Variants in ABI3 observed in about 807,000 individuals in gnomAD.
The protein encoded by ABI3 is ABI family member 3, also known as ABI gene family member 3.
Under a neutral mutation model 37.0 loss-of-function variants are expected in ABI3, and 24 were observed. That is an observed-to-expected ratio of 0.65 (90% confidence interval 0.47 to 0.91). The LOEUF (loss-of-function observed/expected upper bound fraction) is 0.91. Ranked by LOEUF, ABI3 falls within the 40% of genes least tolerant of loss-of-function variation. ABI3 has a pLI of 0.00. For synonymous variants in ABI3, 220 were observed against 211.8 expected (o/e 1.04, Z -0.34); for missense variants, 481 against 485.1 (o/e 0.99, Z 0.08).
intron 6 of ABI3, among the ~76,000 whole-genome samples, chr17:49,220,617 C>T (rs758679936): frequency 3.4e-4 from 52 of 151,808 alleles, no homozygotes; most frequent in Non-Finnish European, 5.9e-4. Flanking sequence ...GGCCGAGGCG[C>T]GCGGATCACC....
chr17:49,222,699 T>G lies in ABI3; in HGVS notation c.1085T>G (p.Val362Gly), dbSNP rs2043306552. The G allele has an allele frequency of 6.3e-7, 1 of 1,577,304 alleles. No homozygotes were observed. Among genetic ancestry groups the G allele is most frequent in the Non-Finnish European group, 8.6e-7 (1 of 1,161,708 alleles). The change falls in exon 8 of 8, where the codon GTG becomes GGG. Residue 362 changes from valine (V) to glycine (G), a missense_variant. Physicochemically the swap from Val to Gly is moderately radical, Grantham distance 109. Coordinates refer to ENST00000225941, the MANE Select transcript of ABI3 (RefSeq NM_016428.3). ...EGTGFFPGNY[V>G]EPSC is the part of the protein sequence containing the mutation. ...ACTGGATTCTTCCCTGGGAACTATG[T>G]GGAGCCCAGCTGCTGACAGCCCAGG... is the stretch of plus-strand genomic sequence containing the variant.
intron 1 of ABI3, among the ~76,000 whole-genome samples, chr17:49,212,968 G>A (rs908538819): frequency 3.9e-5 from 6 of 152,182 alleles, no homozygotes; most frequent in Non-Finnish European, 5.9e-5. Context: ...CTTCCACAGG[G>A]CTCTCATTTG....
intron 7 of ABI3, 49 bp downstream of exon 7, chr17:49,222,274 G>T (rs1482671862): frequency 1.3e-6 from 2 of 1,582,488 alleles, no homozygotes; most frequent in African/African-American, 2.7e-5. Context: ...TTCCTCTGTT[G>T]CCCTGATCCC....
chr17:49,216,593 C>T lies in ABI3; in HGVS notation c.180C>T (p.Ser60=), dbSNP rs769567993. 18 of 1,610,740 alleles carry T rather than the reference C, an allele frequency of 1.1e-5. No homozygotes were observed. Among genetic ancestry groups the T allele is most frequent in the South Asian group, 4.4e-5 (4 of 90,346 alleles). ...CCTTCACTACCCAGGCACTGGCCAG[C>T]GTGGCCTACCAGGTGGGCAACCTGG... is the stretch of plus-strand genomic sequence containing the variant. ...TMAFTTQALA[S]VAYQVGNLAG... Residue 60 remains serine, a synonymous_variant, in exon 2 of 8, where the codon AGC becomes AGT. Transcript: ENST00000225941.
chr17:49,214,974 T>C (rs1001468883), intron 1 of ABI3, among the ~76,000 whole-genome samples: 1 of 152,164 alleles, frequency 6.6e-6, no homozygotes, highest in African/African-American at 2.4e-5. Context: ...GACACTTCCG[T>C]TTAAGGCAAG....
rs1055813742 is a variant in ABI3 at position 49,216,650 on chromosome 17, G to C, written c.237G>C (p.Gln79His). 1 of 1,609,758 alleles carries C rather than the reference G, an allele frequency of 6.2e-7. No individual in the cohort carries two copies. The highest frequency in any genetic ancestry group is 8.5e-7 in the Non-Finnish European group (1 of 1,178,322). The change falls in exon 2 of 8, where the codon CAG (glutamine) becomes CAC (histidine). Residue 79 changes from glutamine (Q) to histidine (H), a missense_variant. Transcript: ENST00000225941. ...AGHTLRMLDL[Q>H]GAALRQVEAR... ...ACACTCTGCGCATGTTGGACCTGCA[G>C]GGGGCCGCCCTGCGGCAGGTGGAAG...
intron 7 of ABI3, 79 bp from the exon 8 acceptor site, chr17:49,222,473 G>A (rs943545575): frequency 6.5e-7 from 1 of 1,529,314 alleles, no homozygotes; most frequent in Non-Finnish European, 8.9e-7. Context: ...TTGAGACCGT[G>A]CATCCCCATG....
At position 49,219,734 on chromosome 17, in the gene ABI3, G is replaced by A. The variant is rs373238389; in HGVS notation, c.548+109G>A. ...CCTGGCGCCCCCGGGTGCTCAGGCC[G>A]TCATGCTGGATGCCTGGCGCCAAAC... On this transcript the variant is annotated intron_variant, in intron 4 of 7. Transcript: ENST00000225941. The surrounding 1 kb of genome is among the most constrained non-coding windows in gnomAD (Gnocchi z 4.3). The A allele has an allele frequency of 3.2e-5, 45 of 1,410,332 alleles. No individual in the cohort carries two copies. In the African/African-American group the frequency reaches 5.3e-4, roughly 17 times the overall value. 87.4% of individuals were successfully genotyped at this position (1,410,332 alleles called of 1,614,324 possible).
intron 6 of ABI3, among the ~76,000 whole-genome samples, chr17:49,220,737 G>C (rs1185144932): frequency 1.6e-4 from 24 of 151,360 alleles, no homozygotes; most frequent in Admixed American, 1.2e-3. Context: ...CCAGCTACTC[G>C]GGAGGCTGAG....
intron 1 of ABI3, among the ~76,000 whole-genome samples, chr17:49,211,525 C>T (rs1050674457): frequency 6.6e-6 from 1 of 152,180 alleles, no homozygotes; most frequent in African/African-American, 2.4e-5. Context: ...GAAATCACTT[C>T]TGTTATTTCA....
At chr17:49,212,748 C>G (rs1013694463) in intron 1 of ABI3, among the ~76,000 whole-genome samples, 30 of 152,266 alleles carry the variant, frequency 2.0e-4, no homozygotes, top group African/African-American at 7.2e-4. Context: ...AAATCTGATT[C>G]CAGAGCCCAC....
At position 49,222,696 on chromosome 17, in the gene ABI3, A is replaced by C. The variant is rs2043306440; in HGVS notation, c.1082A>C (p.Tyr361Ser). Residue 361 changes from tyrosine to serine, a missense_variant, in exon 8 of 8, where the codon TAT (tyrosine) becomes TCT (serine). By Grantham distance (144) the Tyr-to-Ser change is moderately radical (BLOSUM62 -2). Transcript: ENST00000225941. ...SEGTGFFPGN[Y>S]VEPSC ...GGGACTGGATTCTTCCCTGGGAACT[A>C]TGTGGAGCCCAGCTGCTGACAGCCC... is the stretch of plus-strand genomic sequence containing the variant. 6.3e-7 allele frequency: 1 copy of C among 1,581,224 alleles called. No individual in the cohort carries two copies. The highest frequency in any genetic ancestry group is 1.3e-5 in the African/African-American group (1 of 74,204).
At position 49,217,829 on chromosome 17, in the gene ABI3, G is replaced by T. The variant is rs769714351; in HGVS notation, c.376G>T (p.Ala126Ser). 3.1e-5 allele frequency: 50 copies of T among 1,609,878 alleles called. No homozygotes were observed. Among genetic ancestry groups the T allele is most frequent in the Non-Finnish European group, 3.8e-5 (45 of 1,178,260 alleles). ...GCTGCCCCCCGGCCAGAAGGTCATC[G>T]CCCCAGAGAACCTACCCCCTCTCAC... ...QRLPPGQKVIAPENLPPLTPY... is the reference protein window; with the variant it reads ...QRLPPGQKVISPENLPPLTPY... Residue 126 changes from alanine (A) to serine (S), a missense_variant, in exon 3 of 8, where the codon GCC (alanine) becomes TCC (serine). Transcript: ENST00000225941.
chr17:49,220,192 C>G lies in ABI3; in HGVS notation c.668C>G (p.Ala223Gly). The G allele has an allele frequency of 6.2e-7, 1 of 1,612,054 alleles. No individual in the cohort carries two copies. The highest frequency in any genetic ancestry group is 2.2e-5 in the East Asian group (1 of 44,870). The change falls in exon 6 of 8, where the codon GCC becomes GGC. Residue 223 changes from alanine (A) to glycine (G), a missense_variant. By Grantham distance (60) the Ala-to-Gly change is moderately conservative. Transcript: ENST00000225941. Reference protein sequence around the residue: ...SAGSAEGVGGAPTPKGQAAPP... With the variant: ...SAGSAEGVGGGPTPKGQAAPP... ...AGCAGCGCCGAAGGTGTCGGTGGGG[C>G]CCCCACGCCCAAGGGGCAGGCAGCA...
chr17:49,215,314 A>C (rs2143519398), intron 1 of ABI3, among the ~76,000 whole-genome samples: 1 of 152,296 alleles, frequency 6.6e-6, no homozygotes, highest in Non-Finnish European at 1.5e-5. Flanking sequence ...GAAAGGCAGG[A>C]GCCAGACCTG....
At chr17:49,221,656 A>G in intron 6 of ABI3, among the ~76,000 whole-genome samples, 1 of 152,194 alleles carries the variant, frequency 6.6e-6, no homozygotes, top group East Asian at 1.9e-4. Flanking sequence ...ACTATGTGCT[A>G]GCAGCACTGT....
chr17:49,220,318 C>A lies in ABI3; in HGVS notation c.794C>A (p.Pro265His). The A allele has an allele frequency of 6.3e-7, 1 of 1,586,436 alleles. No individual in the cohort carries two copies. The highest frequency in any genetic ancestry group is 2.3e-5 in the East Asian group (1 of 43,690). The change falls in exon 6 of 8, where the codon CCC becomes CAC. Residue 265 changes from proline (P) to histidine (H), a missense_variant. Coordinates refer to ENST00000225941, the MANE Select transcript of ABI3 (RefSeq NM_016428.3). ...RPPTLEELSP[P>H]PPDEELPLPL... ...CCCACGCTGGAGGAGTTGTCCCCAC[C>A]CCCACCGGGTAAGGAGGTCCACCCT...
intron 3 of ABI3, among the ~76,000 whole-genome samples, chr17:49,218,979 G>A (rs658979): frequency 0.29 from 43,602 of 151,674 alleles, 7,761 homozygotes; most frequent in African/African-American, 0.5. Context: ...GAAGCCCATG[G>A]GGTAACACTG....
chr17:49,221,863 C>T (rs778360791), intron 6 of ABI3, among the ~76,000 whole-genome samples: 1 of 152,138 alleles, frequency 6.6e-6, no homozygotes, highest in African/African-American at 2.4e-5. Flanking sequence ...GAATTACAGG[C>T]GTGTGCCACC....
Sources: allele counts gnomAD v4.1 joint callset (sites outside exome capture counted in the v4.1 genomes callset), GRCh38; gene constraint gnomAD v4.1.1; non-coding constraint Gnocchi (gnomAD v3.1); transcripts MANE v1.5; gene names NCBI Gene and HGNC (gene_info 2026-07-23, HGNC 2026-07-21).